Variants in RELN observed in about 807,000 individuals in gnomAD.
RELN encodes the protein reelin.
In RELN, 108 loss-of-function variants were observed where a neutral mutation model predicts 427.6. The observed-to-expected ratio is 0.25, with a 90% CI of 0.22 to 0.30. RELN has a LOEUF of 0.30. Among genes scored for constraint, RELN ranks in the 10% least tolerant of loss-of-function variants. The pLI, the probability that RELN is intolerant of heterozygous loss-of-function variation, is 1.00. For missense variants in RELN, 3,715 were observed against 4,302.8 expected, an observed-to-expected ratio of 0.86 and a Z score of 3.82; for synonymous variants, 1,524 against 1,513.4, an observed-to-expected ratio of 1.01 and a Z score of -0.16.
At chr7:103,691,150 C>T (rs1379903369) in intron 10 of RELN, among the ~76,000 whole-genome samples, 1 of 152,140 alleles carries the variant, frequency 6.6e-6, no homozygotes, top group Non-Finnish European at 1.5e-5. Context: ...CTTCTACCAA[C>T]CCAGGGCTGA....
intron 1 of RELN, among the ~76,000 whole-genome samples, chr7:103,917,696 T>G (rs532939817): frequency 6.6e-6 from 1 of 152,080 alleles, no homozygotes; most frequent in Non-Finnish European, 1.5e-5. Context: ...AGCCGACTAA[T>G]TTGCATGAAG....
intron 2 of RELN, among the ~76,000 whole-genome samples, chr7:103,908,332 T>G (rs188509132): frequency 6.6e-6 from 1 of 152,298 alleles, no homozygotes; most frequent in Admixed American, 6.5e-5. Context: ...TAAATACCTA[T>G]TTTGAGCATA....
At chr7:103,903,818 T>G (rs1795135188) in intron 2 of RELN, among the ~76,000 whole-genome samples, 1 of 151,676 alleles carries the variant, frequency 6.6e-6, no homozygotes, top group African/African-American at 2.4e-5. Flanking sequence ...GTATCTACAA[T>G]GGTTTCTGAG....
chr7:103,529,414 C>T (rs1301576638), intron 46 of RELN, among the ~76,000 whole-genome samples: 2 of 151,184 alleles, frequency 1.3e-5, no homozygotes, highest in African/African-American at 4.9e-5. Flanking sequence ...ATAGCCAAGT[C>T]ACACTTGAGC....
chr7:103,476,150 G>A (rs1828024406), intron 64 of RELN, among the ~76,000 whole-genome samples: 1 of 152,074 alleles, frequency 6.6e-6, no homozygotes, highest in Non-Finnish European at 1.5e-5. Context: ...TGCTATAGAT[G>A]CCTAGTGTTT....
intron 12 of RELN, among the ~76,000 whole-genome samples, chr7:103,654,946 T>C (rs1429359814): frequency 6.6e-6 from 1 of 152,020 alleles, no homozygotes; most frequent in Non-Finnish European, 1.5e-5. Context: ...ACCTATTATT[T>C]TCATAACTGC....
chr7:103,501,492 T>G (rs1829027711), intron 52 of RELN, among the ~76,000 whole-genome samples: 1 of 152,238 alleles, frequency 6.6e-6, no homozygotes, highest in African/African-American at 2.4e-5. Flanking sequence ...ATCTTTGTTC[T>G]TCTCTGTCTT....
intron 1 of RELN, among the ~76,000 whole-genome samples, chr7:103,970,842 G>A (rs551852113): frequency 2.3e-4 from 35 of 152,202 alleles, no homozygotes; most frequent in Non-Finnish European, 4.6e-4. Context: ...TACAGATAAT[G>A]TGAATCAACT....
chr7:103,707,315 G>A (rs1439832301), intron 8 of RELN, among the ~76,000 whole-genome samples: 1 of 151,850 alleles, frequency 6.6e-6, no homozygotes, highest in Non-Finnish European at 1.5e-5. Context: ...CTATGGAAAG[G>A]CACTATAAAG....
intron 28 of RELN, 47 bp downstream of exon 28, chr7:103,589,549 C>A (rs949761178): frequency 8.1e-7 from 1 of 1,233,354 alleles, no homozygotes; most frequent in Admixed American, 1.7e-5. Context: ...GCATTTGGGA[C>A]TGTGTCTTTC....
chr7:103,498,275 G>A (rs777041834), intron 53 of RELN, 23 bp from the exon 54 acceptor site: 11 of 1,607,536 alleles, frequency 6.8e-6, no homozygotes, highest in South Asian at 2.2e-5. Context: ...TAAGCCAGAT[G>A]TGGTTAAAAA....
chr7:103,859,394 A>T (rs1009949004), intron 2 of RELN, among the ~76,000 whole-genome samples: 6 of 152,104 alleles, frequency 3.9e-5, no homozygotes, highest in African/African-American at 1.4e-4. Flanking sequence ...CCCAGGTTCA[A>T]GTGATTATCC....
rs543716232 is a variant in RELN at position 103,755,124 on chromosome 7, C to T, written c.545-1910G>A. ...TGAGATCTTATATGGAGATGAGGAC[C>T]GAAGGGATTTTTTTGTTGTTTGTTT... is the stretch of plus-strand genomic sequence containing the variant. On this transcript the variant is annotated intron_variant, in intron 4 of 64. Transcript: ENST00000428762. Among the ~76,000 whole-genome samples, 9 of 149,896 alleles carry T rather than the reference C, an allele frequency of 6.0e-5. No homozygotes were observed. In the South Asian group the frequency reaches 1.3e-3, roughly 21 times the overall value.
At chr7:103,619,395 C>G (rs908254602) in intron 20 of RELN, among the ~76,000 whole-genome samples, 1 of 152,162 alleles carries the variant, frequency 6.6e-6, no homozygotes, top group Non-Finnish European at 1.5e-5. Flanking sequence ...GCTCCTCCAC[C>G]CCTTCTGTTG....
At chr7:103,699,487 C>G (rs1361025834) in intron 9 of RELN, among the ~76,000 whole-genome samples, 1 of 152,020 alleles carries the variant, frequency 6.6e-6, no homozygotes, top group African/African-American at 2.4e-5. Context: ...GGTACATGGC[C>G]TAAAACTGAA....
At chr7:103,489,226 G>GTC (rs1334303960) in intron 60 of RELN, among the ~76,000 whole-genome samples, 15 of 151,904 alleles carry the variant, frequency 9.9e-5, no homozygotes, top group African/African-American at 3.6e-4. Flanking sequence ...GTGTGTGTGT[G>GTC]TGTCCGTGTC....
intron 2 of RELN, among the ~76,000 whole-genome samples, chr7:103,837,124 T>A (rs1051643988): frequency 2.0e-5 from 3 of 152,172 alleles, no homozygotes; most frequent in Non-Finnish European, 4.4e-5. Context: ...GGATTCGACT[T>A]TTTTCCCTAA....
Position 103,472,524 on chromosome 7 carries a change from T to TC in RELN, c.*287dup, listed in dbSNP as rs1328813824. 2.1e-5 allele frequency: 8 copies of TC among 374,226 alleles called. No homozygotes were observed. The highest frequency in any genetic ancestry group is 1.7e-4 in the African/African-American group (8 of 48,482). The allele number at this position is 374,226 out of a possible 1,614,324, so 23.2% of individuals were successfully genotyped here. A position where few individuals can be genotyped will look rare whatever the true frequency, so the allele number is the denominator to read the frequency against. On this transcript the variant is annotated 3_prime_UTR_variant, in exon 65 of 65. Coordinates refer to ENST00000428762, the MANE Select transcript of RELN (RefSeq NM_005045.4). The stretch of plus-strand genomic sequence containing the variant: ...ATTTTTTGTGCTTAAATTTCATTTT[T>TC]CTGTTAAACTGTTTCTTATTGTCAA...
intron 2 of RELN, among the ~76,000 whole-genome samples, chr7:103,897,900 A>G (rs1794996863): frequency 1.3e-5 from 2 of 152,130 alleles, no homozygotes; most frequent in African/African-American, 4.8e-5. Context: ...CAAGACCCAC[A>G]TAAGTACTTC....
Sources: gnomAD v4.1 joint callset for allele counts (sites outside exome capture counted in the v4.1 genomes callset) on GRCh38, gnomAD v4.1.1 for gene constraint, MANE v1.5 for transcripts, NCBI Gene and HGNC (gene_info 2026-07-23, HGNC 2026-07-21) for gene names.